KCNQ5: variants seen among roughly 807,000 people sequenced by gnomAD.
KCNQ5 encodes potassium voltage-gated channel subfamily KQT member 5.
In KCNQ5, 30 loss-of-function variants were observed where a neutral mutation model predicts 98.2. That is an observed-to-expected ratio of 0.31 (90% CI 0.23 to 0.41). The LOEUF (loss-of-function observed/expected upper bound fraction) is 0.41. Among genes scored for constraint, KCNQ5 ranks in the 10% least tolerant of loss-of-function variants. The pLI, the probability that KCNQ5 is intolerant of heterozygous loss-of-function variation, is 1.00. For synonymous variants in KCNQ5, 458 were observed against 449.4 expected (o/e 1.02, Z -0.24); for missense variants, 835 against 1,182.5 (o/e 0.71, Z 4.31).
chr6:73,131,721 G>A (rs1308565346), intron 9 of KCNQ5, among the ~76,000 whole-genome samples: 1 of 152,288 alleles, frequency 6.6e-6, no homozygotes, highest in Non-Finnish European at 1.5e-5. Flanking sequence ...AAAAGATGCA[G>A]GTTTATGATG....
At chr6:72,715,651 A>G (rs1438837898) in intron 1 of KCNQ5, among the ~76,000 whole-genome samples, 2 of 152,198 alleles carry the variant, frequency 1.3e-5, no homozygotes, top group Non-Finnish European at 1.5e-5. Flanking sequence ...ACCTAGAAAT[A>G]TGGATGCCTC....
At chr6:73,150,198 A>T (rs1284118665) in intron 10 of KCNQ5, among the ~76,000 whole-genome samples, 1 of 152,020 alleles carries the variant, frequency 6.6e-6, no homozygotes, top group Non-Finnish European at 1.5e-5. Context: ...AACAAAAAAA[A>T]CTAGGGATGA....
At position 72,715,204 on chromosome 6, in the gene KCNQ5, A is replaced by C. The variant is rs530199997; in HGVS notation, c.398+92617A>C. Among the ~76,000 whole-genome samples the C allele has an allele frequency of 5.3e-5, 8 of 152,274 alleles. No homozygotes were observed. The South Asian group carries it at 1.7e-3, about 32-fold the overall frequency. On this transcript the variant is annotated intron_variant, in intron 1 of 13. Coordinates refer to ENST00000370398, the MANE Select transcript of KCNQ5 (RefSeq NM_019842.4). Reference sequence around the variant, plus strand: ...GTGTTATTTATCCGTAGCCTGGCCAATTTCAGGCAAGTAATTGCAGGATGA... The same window carrying C: ...GTGTTATTTATCCGTAGCCTGGCCACTTTCAGGCAAGTAATTGCAGGATGA...
chr6:72,909,398 C>T lies in KCNQ5; in HGVS notation c.399-94510C>T, dbSNP rs144037787. Among the ~76,000 whole-genome samples, 419 of 152,178 alleles carry T rather than the reference C, an allele frequency of 2.8e-3. 2 individuals are homozygous for T. Among genetic ancestry groups the T allele is most frequent in the African/African-American group, 9.8e-3 (407 of 41,540 alleles). On this transcript the variant is annotated intron_variant, in intron 1 of 13. Transcript: ENST00000370398. ...TCAGAGGATAACGTGTGAAGAGTCC[C>T]CAAACTATTTTCTTGATCAATATGA...
At chr6:72,951,519 G>A (rs1766807581) in intron 1 of KCNQ5, among the ~76,000 whole-genome samples, 1 of 89,758 alleles carries the variant, frequency 1.1e-5, no homozygotes, top group African/African-American at 3.0e-5. Context: ...CTTGACCTCA[G>A]GTGATCCACC....
At chr6:72,964,303 T>A (rs1190205136) in intron 1 of KCNQ5, among the ~76,000 whole-genome samples, 14 of 152,196 alleles carry the variant, frequency 9.2e-5, no homozygotes, top group Non-Finnish European at 1.8e-4. Context: ...CAATTTCATG[T>A]GGATTATTAT....
At chr6:72,776,895 G>T (rs920932026) in intron 1 of KCNQ5, among the ~76,000 whole-genome samples, 2 of 152,134 alleles carry the variant, frequency 1.3e-5, no homozygotes, top group Admixed American at 6.5e-5. Flanking sequence ...TGAAATGAAG[G>T]AACAGGTTCA....
chr6:72,996,815 A>G (rs1159760715), intron 1 of KCNQ5, among the ~76,000 whole-genome samples: 1 of 152,202 alleles, frequency 6.6e-6, no homozygotes, highest in Non-Finnish European at 1.5e-5. Flanking sequence ...GGGCAAACGT[A>G]AAGAACAGTG....
At chr6:73,175,391 C>G (rs1202946953) in intron 11 of KCNQ5, among the ~76,000 whole-genome samples, 1 of 144,410 alleles carries the variant, frequency 6.9e-6, no homozygotes, top group Non-Finnish European at 1.5e-5. Flanking sequence ...CTCAGGTGAT[C>G]TGCCCCCCCC....
At chr6:72,979,737 T>G (rs1340627407) in intron 1 of KCNQ5, among the ~76,000 whole-genome samples, 1 of 152,238 alleles carries the variant, frequency 6.6e-6, no homozygotes, top group African/African-American at 2.4e-5. Flanking sequence ...GTTTTAGTCA[T>G]GAAGTCCTCG....
intron 5 of KCNQ5, among the ~76,000 whole-genome samples, chr6:73,103,113 C>T (rs1476959066): frequency 6.6e-6 from 1 of 152,176 alleles, no homozygotes; most frequent in Non-Finnish European, 1.5e-5. Flanking sequence ...GAGTACTATT[C>T]AGCCATTAAA....
chr6:72,731,224 A>G (rs1241432186), intron 1 of KCNQ5, among the ~76,000 whole-genome samples: 4 of 152,190 alleles, frequency 2.6e-5, no homozygotes, highest in Non-Finnish European at 5.9e-5. Context: ...GGTGCTAACT[A>G]GTTTTTGTCA....
intron 1 of KCNQ5, among the ~76,000 whole-genome samples, chr6:72,780,279 A>C (rs1355326641): frequency 6.6e-6 from 1 of 152,176 alleles, no homozygotes. Context: ...TCCATATGTT[A>C]TACTTCCTCC....
chr6:72,673,006 G>A (rs1884090), intron 1 of KCNQ5, among the ~76,000 whole-genome samples: 77,781 of 152,092 alleles, frequency 0.51, 23,124 homozygotes, highest in African/African-American at 0.82. Context: ...CAGACTAGGA[G>A]AGTTCAGCAT....
intron 1 of KCNQ5, among the ~76,000 whole-genome samples, chr6:72,744,821 A>G (rs1771301977): frequency 6.6e-6 from 1 of 152,042 alleles, no homozygotes; most frequent in African/African-American, 2.4e-5. Context: ...AAAAAAAAAG[A>G]AAAAGAAAAA....
At chr6:72,950,431 C>T (rs1209041595) in intron 1 of KCNQ5, among the ~76,000 whole-genome samples, 1 of 152,214 alleles carries the variant, frequency 6.6e-6, no homozygotes, top group Non-Finnish European at 1.5e-5. Context: ...TGAAAATCAT[C>T]TGAAAACCAG....
chr6:73,079,065 G>A (rs549329923), intron 5 of KCNQ5, among the ~76,000 whole-genome samples: 1 of 152,256 alleles, frequency 6.6e-6, no homozygotes, highest in Admixed American at 6.5e-5. Context: ...ACTTTGGGAG[G>A]CTAAGGCGGG....
rs201029880 is a variant in KCNQ5 at position 72,622,543 on chromosome 6, G to A, written c.354G>A (p.Val118=). 9.3e-6 allele frequency: 15 copies of A among 1,612,188 alleles called. No individual in the cohort carries two copies. Among genetic ancestry groups the A allele is most frequent in the Non-Finnish European group, 9.3e-6 (11 of 1,179,504 alleles). ...GGGTGCAGAACTACCTGTACAACGT[G>A]CTGGAGAGACCCCGCGGCTGGGCGT... ...YRRVQNYLYN[V]LERPRGWAFI... is the part of the protein sequence containing the mutation. Residue 118 remains valine (V), a synonymous_variant, in exon 1 of 14, where the codon GTG becomes GTA. Transcript: ENST00000370398. The surrounding 1 kb of genome is among the most constrained non-coding windows in gnomAD (Gnocchi z 6.0).
At chr6:73,091,450 A>G (rs1774243854) in intron 5 of KCNQ5, among the ~76,000 whole-genome samples, 1 of 152,150 alleles carries the variant, frequency 6.6e-6, no homozygotes, top group Admixed American at 6.5e-5. Context: ...GTGCACATGT[A>G]CCCCAGAACT....
Sources: allele counts gnomAD v4.1 joint callset (sites outside exome capture counted in the v4.1 genomes callset), GRCh38; gene constraint gnomAD v4.1.1; non-coding constraint Gnocchi (gnomAD v3.1); transcripts MANE v1.5; gene names NCBI Gene and HGNC (gene_info 2026-07-23, HGNC 2026-07-21).